WDR7: variants seen among roughly 807,000 people sequenced by gnomAD.
WDR7 encodes WD repeat domain 7, also known as WD repeat-containing protein 7.
WDR7 carries 46 observed loss-of-function variants against 169.4 expected under a neutral mutation model. The ratio of observed to expected loss-of-function variants is 0.27; its 90% CI spans 0.21 to 0.35. The LOEUF (loss-of-function observed/expected upper bound fraction) is 0.35. WDR7 is among the 10% of genes least tolerant of loss of function. The probability of loss-of-function intolerance (pLI) is 1.00; values close to 1 mark genes in which losing one functional copy is unlikely to be tolerated. For synonymous variants in WDR7, 612 were observed against 666.8 expected, an observed-to-expected ratio of 0.92 and a Z score of 1.27; for missense variants, 1,534 against 1,859.3, an observed-to-expected ratio of 0.83 and a Z score of 3.22.
intron 12 of WDR7, among the ~76,000 whole-genome samples, chr18:56,710,661 G>T (rs2026067538): frequency 1.3e-5 from 2 of 152,084 alleles, no homozygotes; most frequent in African/African-American, 2.4e-5. Flanking sequence ...TGATATAATA[G>T]CTTATTAACA....
chr18:57,007,416 G>C (rs1183060377), intron 26 of WDR7, among the ~76,000 whole-genome samples: 5 of 152,128 alleles, frequency 3.3e-5, no homozygotes, highest in African/African-American at 9.7e-5. Flanking sequence ...GAAATTTAAA[G>C]TTAAAATTAG....
intron 14 of WDR7, among the ~76,000 whole-genome samples, chr18:56,748,901 A>C (rs2043744761): frequency 6.6e-6 from 1 of 151,974 alleles, no homozygotes; most frequent in Admixed American, 6.6e-5. Flanking sequence ...CAGTTTCTTG[A>C]TATTTTCTAA....
chr18:56,854,291 T>G (rs959372738), intron 20 of WDR7, among the ~76,000 whole-genome samples: 5 of 152,248 alleles, frequency 3.3e-5, no homozygotes, highest in African/African-American at 1.2e-4. Flanking sequence ...CTCTTCGAGT[T>G]AATTAATTTG....
chr18:56,731,592 G>A lies in WDR7; in HGVS notation c.1984G>A (p.Asp662Asn). 1 of 1,613,660 alleles carries A rather than the reference G, an allele frequency of 6.2e-7. No individual in the cohort carries two copies. ...TAACCTCTTGGCTTCTGAGGCATCT[G>A]ACAAGGTAAGTTTTATATGTGGGCC... ...ATNLLASEAS[D>N]KGNLPKYSHN... Residue 662 changes from aspartate (D) to asparagine (N), a missense_variant, in exon 14 of 28, where the codon GAC becomes AAC. Asp to Asn is a conservative substitution (Grantham distance 23, BLOSUM62 1). Transcript: ENST00000254442.
chr18:56,694,690 G>T lies in WDR7; in HGVS notation c.1038G>T (p.Gln346His). The change falls in exon 10 of 28, where the codon CAG becomes CAT. Residue 346 changes from glutamine to histidine, a missense_variant. Gln to His is a conservative substitution (Grantham distance 24, BLOSUM62 0). Transcript: ENST00000254442. Reference sequence around the variant, plus strand: ...AATATTTCCATAAACTGTTAATTCAGGGTGATTCTTCTGGAAGGTTGAATA... The same window carrying T: ...AATATTTCCATAAACTGTTAATTCATGGTGATTCTTCTGGAAGGTTGAATA... ...CREYFHKLLI[Q>H]GDSSGRLNIW... The T allele has an allele frequency of 6.2e-7, 1 of 1,613,422 alleles. No individual in the cohort carries two copies. Among genetic ancestry groups the T allele is most frequent in the South Asian group, 1.1e-5 (1 of 91,000 alleles).
intron 21 of WDR7, among the ~76,000 whole-genome samples, chr18:56,922,336 C>G (rs1184691451): frequency 6.6e-6 from 1 of 151,932 alleles, no homozygotes; most frequent in African/African-American, 2.4e-5. Context: ...AAGGAGCTGA[C>G]AGACTTACTG....
Position 56,748,680 on chromosome 18 carries a change from A to G in WDR7, c.1990-7903A>G, listed in dbSNP as rs146309107. Among the ~76,000 whole-genome samples, 1,246 of 152,254 alleles carry G rather than the reference A, an allele frequency of 8.2e-3. 3 individuals carry two copies. Among genetic ancestry groups the G allele is most frequent in the Middle Eastern group, 0.027 (8 of 294 alleles). On this transcript the variant is annotated intron_variant, in intron 14 of 27. Transcript: ENST00000254442. ...ATGAAAACATATGAAAAGTCAAATA[A>G]CATGAAGTCTGTGACTGTATTGTCA... is the stretch of plus-strand genomic sequence containing the variant.
intron 12 of WDR7, among the ~76,000 whole-genome samples, chr18:56,706,380 A>C (rs2025954643): frequency 6.6e-6 from 1 of 152,202 alleles, no homozygotes; most frequent in South Asian, 2.1e-4. Flanking sequence ...AAATAATGGA[A>C]CCGTCAATTG....
At chr18:56,814,502 G>A (rs141588753) in intron 19 of WDR7, among the ~76,000 whole-genome samples, 205 of 152,066 alleles carry the variant, frequency 1.3e-3, no homozygotes, top group African/African-American at 4.6e-3. Context: ...CTTTAATAAA[G>A]TAATATTATT....
intron 21 of WDR7, among the ~76,000 whole-genome samples, chr18:56,902,963 G>A (rs1233914200): frequency 6.6e-6 from 1 of 152,106 alleles, no homozygotes; most frequent in Non-Finnish European, 1.5e-5. Flanking sequence ...TTTCAAACTT[G>A]CTTACGTGGT....
intron 1 of WDR7, among the ~76,000 whole-genome samples, chr18:56,671,895 A>T (rs1388208994): frequency 1.3e-5 from 2 of 152,242 alleles, no homozygotes; most frequent in Non-Finnish European, 2.9e-5. Context: ...TGGGACTTAG[A>T]AAATTCTTCA....
intron 16 of WDR7, among the ~76,000 whole-genome samples, chr18:56,765,786 A>ATATG (rs200929350): frequency 3.9e-5 from 6 of 151,996 alleles, no homozygotes; most frequent in Admixed American, 2.0e-4. Context: ...ATGTATGTAT[A>ATATG]TATGTATGTA....
intron 12 of WDR7, among the ~76,000 whole-genome samples, chr18:56,700,252 C>CTTTTTTTTTTTTTTT (rs1226348026): frequency 8.9e-5 from 6 of 67,238 alleles, no homozygotes; most frequent in East Asian, 4.8e-4. Context: ...TTTTCATTTT[C>CTTTTTTTTTTTTTTT]TTTTTTTTTT....
chr18:56,935,832 G>T lies in WDR7; in HGVS notation c.3758G>T (p.Arg1253Leu). Residue 1253 changes from arginine to leucine, a missense_variant, in exon 23 of 28, where the codon CGC becomes CTC. Arg to Leu is a moderately radical substitution (Grantham distance 102). Transcript: ENST00000254442. ...LPLSPAADSA[R>L]SARHALSLIA... ...CTGAGCCCAGCAGCTGACTCGGCCC[G>T]CTCTGCGAGGCATGCCCTCTCGCTC... is the stretch of plus-strand genomic sequence containing the variant. The T allele has an allele frequency of 1.2e-6, 2 of 1,614,074 alleles. No individual in the cohort carries two copies. The highest frequency in any genetic ancestry group is 1.7e-6 in the Non-Finnish European group (2 of 1,180,010).
At chr18:56,969,839 A>G (rs2047458721) in intron 26 of WDR7, among the ~76,000 whole-genome samples, 1 of 152,188 alleles carries the variant, frequency 6.6e-6, no homozygotes, top group South Asian at 2.1e-4. Context: ...CATATTTAAT[A>G]TGATCTCTAA....
At chr18:56,692,076 T>C (rs1179986391) in intron 9 of WDR7, among the ~76,000 whole-genome samples, 2 of 152,234 alleles carry the variant, frequency 1.3e-5, no homozygotes, top group African/African-American at 4.8e-5. Context: ...AAATTGACTT[T>C]TTGATGAAGT....
chr18:56,849,723 C>T (rs1473138826), intron 20 of WDR7, among the ~76,000 whole-genome samples: 1 of 152,138 alleles, frequency 6.6e-6, no homozygotes, highest in Admixed American at 6.5e-5. Flanking sequence ...ATGTCACTTT[C>T]TGCTTAAAAC....
chr18:56,718,243 G>GA, intron 13 of WDR7, 84 bp downstream of exon 13: 1 of 1,328,624 alleles, frequency 7.5e-7, no homozygotes. Flanking sequence ...TTTATATGAA[G>GA]AAAAAAGGCT....
intron 14 of WDR7, among the ~76,000 whole-genome samples, chr18:56,742,744 A>C (rs1265783086): frequency 2.0e-5 from 3 of 152,160 alleles, no homozygotes; most frequent in Non-Finnish European, 4.4e-5. Context: ...GGTGACATTC[A>C]AGGATGAGTA....
Sources: allele counts gnomAD v4.1 joint callset (sites outside exome capture counted in the v4.1 genomes callset), GRCh38; gene constraint gnomAD v4.1.1; transcripts MANE v1.5; gene names NCBI Gene and HGNC (gene_info 2026-07-23, HGNC 2026-07-21).